MN1: variants seen among roughly 807,000 people sequenced by gnomAD.
MN1 encodes the protein transcriptional activator MN1.
MN1 carries 19 observed loss-of-function variants against 86.9 expected under a neutral mutation model. That is an observed-to-expected ratio of 0.22 (90% CI 0.15 to 0.32). MN1 has a LOEUF of 0.32. MN1 is among the 10% of genes least tolerant of loss of function. The pLI is 1.00. For missense variants in MN1, 1,841 were observed against 1,862.0 expected (o/e 0.99, Z 0.21); for synonymous variants, 928 against 849.6 (o/e 1.09, Z -1.60).
At chr22:27,789,296 C>T (rs1000482443) in intron 1 of MN1, among the ~76,000 whole-genome samples, 3 of 152,220 alleles carry the variant, frequency 2.0e-5, no homozygotes, top group African/African-American at 7.2e-5. Context: ...GCCAAGGGGT[C>T]TCCCTGTTTC....
Position 27,798,974 on chromosome 22 carries a change from G to GC in MN1, c.1569_1570insG (p.Gln524AlafsTer36). The GC allele has an allele frequency of 6.2e-7, 1 of 1,603,952 alleles. No homozygotes were observed. The highest frequency in any genetic ancestry group is 8.5e-7 in the Non-Finnish European group (1 of 1,176,034). On this transcript the variant is annotated frameshift_variant, in exon 1 of 2. Coordinates refer to ENST00000302326, the MANE Select transcript of MN1 (RefSeq NM_002430.3). LOFTEE classifies it high-confidence loss of function. ...TGCTGCTGCTGCTGCTGCTGCTGCT[G>GC]TTGCAGGGACTGGTGGTCCGGGGCC...
At position 27,801,231 on chromosome 22, in the gene MN1, C is replaced by A. The variant is rs936482413; in HGVS notation, c.-688G>T. On this transcript the variant is annotated 5_prime_UTR_variant, in exon 1 of 2. Transcript: ENST00000302326. Reference sequence around the variant, plus strand: ...CTCCGCTCGGCATCGCCGGTGCCGGCCCCCGAGCCGAGGACGCAGAGGGGC... The same window carrying A: ...CTCCGCTCGGCATCGCCGGTGCCGGACCCCGAGCCGAGGACGCAGAGGGGC... 9 of 221,606 alleles carry A rather than the reference C, an allele frequency of 4.1e-5. No individual in the cohort carries two copies. Among genetic ancestry groups the A allele is most frequent in the African/African-American group, 2.0e-4 (9 of 44,558 alleles). 13.7% of individuals were successfully genotyped at this position (221,606 alleles called of 1,614,324 possible).
chr22:27,780,100 G>A lies in MN1; in HGVS notation c.3781+16663C>T, dbSNP rs190992540. Among the ~76,000 whole-genome samples the A allele has an allele frequency of 3.3e-5, 5 of 152,304 alleles. No individual in the cohort carries two copies. The East Asian group carries it at 9.6e-4, about 29-fold the overall frequency. On this transcript the variant is annotated intron_variant, in intron 1 of 1. Transcript: ENST00000302326. ...CAGAAAGGGCCAGAACATAGGGAAG[G>A]GAAACAGACATTTTCTCAGACACCT...
chr22:27,800,570 A>C lies in MN1; in HGVS notation c.-27T>G, dbSNP rs1933417034. On this transcript the variant is annotated 5_prime_UTR_variant, in exon 1 of 2. An upstream open reading frame in the 5' UTR gains an earlier in-frame stop. Coordinates refer to ENST00000302326, the MANE Select transcript of MN1 (RefSeq NM_002430.3). ...CTTGGCGGGGGGCAGAGGGGGATCA[A>C]TAGGGCATGACAGCCGGCTCTCCGC... The C allele has an allele frequency of 6.2e-7, 1 of 1,613,294 alleles. No individual in the cohort carries two copies. Among genetic ancestry groups the C allele is most frequent in the African/African-American group, 1.3e-5 (1 of 74,910 alleles).
intron 1 of MN1, among the ~76,000 whole-genome samples, chr22:27,763,006 G>A (rs1485924734): frequency 6.6e-6 from 1 of 152,098 alleles, no homozygotes; most frequent in East Asian, 1.9e-4. Context: ...TACTTGGTAG[G>A]ATCACTTGAA....
chr22:27,768,876 A>G (rs1158390492), intron 1 of MN1, among the ~76,000 whole-genome samples: 5 of 152,200 alleles, frequency 3.3e-5, no homozygotes, highest in Non-Finnish European at 7.3e-5. Context: ...AGTGTTTGAC[A>G]GCTGTGTGTG....
At chr22:27,757,279 C>T (rs1932807343) in intron 1 of MN1, among the ~76,000 whole-genome samples, 1 of 152,172 alleles carries the variant, frequency 6.6e-6, no homozygotes, top group African/African-American at 2.4e-5. Context: ...AAGTGATCTG[C>T]CCACCTTGGC....
chr22:27,762,433 ATAG>A (rs1484115505), intron 1 of MN1, among the ~76,000 whole-genome samples: 1 of 152,268 alleles, frequency 6.6e-6, no homozygotes, highest in Admixed American at 6.5e-5. Context: ...CACCCCATAA[ATAG>A]TAGCTGCCAT....
At chr22:27,755,380 C>T (rs1447412328) in intron 1 of MN1, among the ~76,000 whole-genome samples, 1 of 152,160 alleles carries the variant, frequency 6.6e-6, no homozygotes, top group African/African-American at 2.4e-5. Context: ...TGTGCCTCAC[C>T]CGATTCAGGC....
At chr22:27,778,093 C>G (rs745975651) in intron 1 of MN1, among the ~76,000 whole-genome samples, 1 of 152,064 alleles carries the variant, frequency 6.6e-6, no homozygotes, top group Non-Finnish European at 1.5e-5. Context: ...GTGATTAATG[C>G]GCTCTTAAAT....
In MN1 at chr22:27,798,378, G is replaced by A. The variant is rs1233952362; in HGVS notation, c.2166C>T (p.Pro722=). 15 of 1,503,848 alleles carry A rather than the reference G, an allele frequency of 1.0e-5. No individual in the cohort carries two copies. The highest frequency in any genetic ancestry group is 2.2e-5 in the Admixed American group (1 of 45,366). The allele number at this position is 1,503,848 out of a possible 1,614,324, so 93.2% of individuals were successfully genotyped here. A position where few individuals can be genotyped will look rare whatever the true frequency, so the allele number is the denominator to read the frequency against. The change falls in exon 1 of 2, where the codon CCC becomes CCT. Residue 722 remains proline, a synonymous_variant. Coordinates refer to ENST00000302326, the MANE Select transcript of MN1 (RefSeq NM_002430.3). ...GGGGCCGGCGCTCCGAAGCAGCGCT[G>A]GGGAGCCCCACGCCCGCCCCGGGCG... ...LQSPGAGVGL[P]SAASERRPPP... is the part of the protein sequence containing the mutation.
intron 1 of MN1, among the ~76,000 whole-genome samples, chr22:27,795,571 G>A (rs1475336346): frequency 6.6e-6 from 1 of 152,074 alleles, no homozygotes; most frequent in Admixed American, 6.6e-5. Context: ...GTTCCATGGT[G>A]ATAGTCTGTC....
At chr22:27,792,801 G>C (rs577172980) in intron 1 of MN1, among the ~76,000 whole-genome samples, 3 of 152,224 alleles carry the variant, frequency 2.0e-5, no homozygotes, top group Non-Finnish European at 4.4e-5. Context: ...GGATTGCAAA[G>C]CTCTTTGCCT....
At position 27,798,889 on chromosome 22, in the gene MN1, T is replaced by G. The variant is rs1355718316; in HGVS notation, c.1655A>C (p.Gln552Pro). The change falls in exon 1 of 2, where the codon CAA becomes CCA. Residue 552 changes from glutamine (Q) to proline (P), a missense_variant. Coordinates refer to ENST00000302326, the MANE Select transcript of MN1 (RefSeq NM_002430.3). ...QQQQQQQQQR[Q>P]NAALMIKQMA... Reference sequence around the variant, plus strand: ...CTGCTTAATCATGAGGGCCGCGTTTTGGCGCTGCTGCTGCTGCTGCTGTTG... The same window carrying G: ...CTGCTTAATCATGAGGGCCGCGTTTGGGCGCTGCTGCTGCTGCTGCTGTTG... 3.2e-6 allele frequency: 5 copies of G among 1,551,748 alleles called. No individual in the cohort carries two copies.
At chr22:27,761,175 C>G (rs536947224) in intron 1 of MN1, among the ~76,000 whole-genome samples, 10 of 152,168 alleles carry the variant, frequency 6.6e-5, no homozygotes, top group Admixed American at 6.5e-4. Flanking sequence ...TTCTCTCTTG[C>G]AAGCATTCTC....
intron 1 of MN1, among the ~76,000 whole-genome samples, chr22:27,754,272 G>T (rs1185020422): frequency 1.3e-5 from 2 of 152,188 alleles, no homozygotes; most frequent in Non-Finnish European, 2.9e-5. Context: ...GTGCACTAAC[G>T]CCAGAAACCA....
intron 1 of MN1, among the ~76,000 whole-genome samples, chr22:27,792,755 C>T (rs1933231083): frequency 6.6e-6 from 1 of 152,138 alleles, no homozygotes; most frequent in South Asian, 2.1e-4. Context: ...CACATGAAGG[C>T]ATACAACTCG....
At chr22:27,778,419 T>A (rs1233187823) in intron 1 of MN1, among the ~76,000 whole-genome samples, 1 of 152,220 alleles carries the variant, frequency 6.6e-6, no homozygotes, top group Non-Finnish European at 1.5e-5. Flanking sequence ...GAATGAGCCA[T>A]CCCACAGGGG....
At chr22:27,795,039 G>C (rs967494450) in intron 1 of MN1, among the ~76,000 whole-genome samples, 2 of 142,478 alleles carry the variant, frequency 1.4e-5, no homozygotes, top group African/African-American at 5.2e-5. Context: ...CAAGCAGGAG[G>C]CTGTGTCCAA....
Sources: allele counts gnomAD v4.1 joint callset (sites outside exome capture counted in the v4.1 genomes callset), GRCh38; gene constraint gnomAD v4.1.1; transcripts MANE v1.5; gene names NCBI Gene and HGNC (gene_info 2026-07-23, HGNC 2026-07-21).